The following ZDHHC11B variants were observed in gnomAD, a reference collection of about 807,000 sequenced individuals.
The protein encoded by ZDHHC11B is zDHHC palmitoyltransferase 11B (putative).
A neutral mutation model predicts 42.3 loss-of-function variants in ZDHHC11B; 17 were observed. The observed-to-expected ratio is 0.40, with a 90% CI of 0.27 to 0.60. The LOEUF (loss-of-function observed/expected upper bound fraction) is 0.60. Among genes scored for constraint, ZDHHC11B ranks in the 20% least tolerant of loss-of-function variants. The pLI is 0.41. For synonymous variants in ZDHHC11B, 123 were observed against 193.5 expected (o/e 0.64, Z 3.02); for missense variants, 262 against 463.2 (o/e 0.57, Z 3.99).
chr5:724,461 C>T (rs1482561410), intron 12 of ZDHHC11B, among the ~76,000 whole-genome samples: 8 of 142,312 alleles, frequency 5.6e-5, no homozygotes, highest in African/African-American at 2.1e-4. Flanking sequence ...CTGCAAGCTC[C>T]GCCTCCTGGG....
At chr5:741,787 A>C (rs1744189678) in intron 9 of ZDHHC11B, among the ~76,000 whole-genome samples, 159 bp from the exon 10 acceptor site, 1 of 146,746 alleles carries the variant, frequency 6.8e-6, no homozygotes, top group Non-Finnish European at 1.5e-5. Context: ...TTACGTGTGC[A>C]CGTGTTTTCA....
Position 766,693 on chromosome 5 carries a change from G to C in ZDHHC11B, c.222+5C>G. On this transcript the variant is annotated splice_donor_5th_base_variant and intron_variant, in intron 4 of 13. Coordinates refer to ENST00000508859, the MANE Select transcript of ZDHHC11B (RefSeq NM_001351303.2). ...GCTTAGACCATGCCACGATGAAAAG[G>C]ATACCACATAGGCGATGTATTTCCA... 1.9e-6 allele frequency: 3 copies of C among 1,604,612 alleles called. No individual in the cohort carries two copies. Among genetic ancestry groups the C allele is most frequent in the Non-Finnish European group, 1.7e-6 (2 of 1,174,680 alleles).
chr5:766,958 C>G (rs1735508829), intron 3 of ZDHHC11B, 39 bp from the exon 4 acceptor site: 6 of 1,595,808 alleles, frequency 3.8e-6, no homozygotes, highest in Admixed American at 3.4e-5. Context: ...GCCATCAGCT[C>G]CGGGGAGGGC....
intron 1 of ZDHHC11B, among the ~76,000 whole-genome samples, chr5:784,457 G>C (rs1401028694): frequency 6.6e-6 from 1 of 152,226 alleles, no homozygotes; most frequent in African/African-American, 2.4e-5. Context: ...AAGCCTCCCC[G>C]TCGCGTCCTC....
intron 12 of ZDHHC11B, among the ~76,000 whole-genome samples, chr5:722,891 AT>A: frequency 6.6e-6 from 1 of 151,648 alleles, no homozygotes; most frequent in African/African-American, 2.4e-5. Context: ...TTCCTCAAAG[AT>A]TCCAGATACT....
rs762812078 is a variant in ZDHHC11B at position 748,397 on chromosome 5, G to T, written c.784+7C>A. Reference sequence around the variant, plus strand: ...GGGGGATCGGGGGCTTAGGGTGGGGGACATACTCAGGTAGATGTGGAAGAT... The same window carrying T: ...GGGGGATCGGGGGCTTAGGGTGGGGTACATACTCAGGTAGATGTGGAAGAT... On this transcript the variant is annotated splice_region_variant and intron_variant, in intron 8 of 13. Transcript: ENST00000508859. 19 of 1,346,888 alleles carry T rather than the reference G, an allele frequency of 1.4e-5. No individual in the cohort carries two copies. In the African/African-American group the frequency reaches 2.5e-4, roughly 18 times the overall value. The allele number at this position is 1,346,888 out of a possible 1,614,324, so 83.4% of individuals were successfully genotyped here.
chr5:729,117 T>C (rs1742814312), intron 12 of ZDHHC11B, among the ~76,000 whole-genome samples: 1 of 151,052 alleles, frequency 6.6e-6, no homozygotes, highest in African/African-American at 2.4e-5. Flanking sequence ...AGGCATGCGG[T>C]GACCTCAGCA....
chr5:756,050 T>C lies in ZDHHC11B; in HGVS notation c.317A>G (p.Tyr106Cys). 2 of 1,279,060 alleles carry C rather than the reference T, an allele frequency of 1.6e-6. No homozygotes were observed. The highest frequency in any genetic ancestry group is 1.4e-5 in the South Asian group (1 of 73,502). The allele number at this position is 1,279,060 out of a possible 1,614,324, so 79.2% of individuals were successfully genotyped here. ...ADSNVRLMKN[Y>C]SQPMPLFDRS... ...GTCGAAGAGGGGCATGGGCTGAGAA[T>C]AGTTCTTCATGAGTCTGACATTGGA... is the stretch of plus-strand genomic sequence containing the variant. The change falls in exon 5 of 14, where the codon TAT (tyrosine) becomes TGT (cysteine). Residue 106 changes from tyrosine to cysteine, a missense_variant. Physicochemically the swap from Tyr to Cys is radical, Grantham distance 194 (BLOSUM62 -2). This residue lies in a region of ZDHHC11B where 33 missense variants were observed against 174.6 expected (regional missense o/e 0.19). Transcript: ENST00000508859.
At chr5:777,559 G>C (rs1035768635) in intron 1 of ZDHHC11B, among the ~76,000 whole-genome samples, 1 of 151,964 alleles carries the variant, frequency 6.6e-6, no homozygotes, top group East Asian at 1.9e-4. Context: ...TTGCGGCAGG[G>C]CGTTCCGGCT....
At chr5:729,355 A>G (rs1259720847) in intron 12 of ZDHHC11B, among the ~76,000 whole-genome samples, 2 of 151,154 alleles carry the variant, frequency 1.3e-5, no homozygotes, top group Admixed American at 1.3e-4. Context: ...GTCCTAGGCC[A>G]GGACGGCTGC....
At chr5:712,928 G>A (rs201593314) in intron 13 of ZDHHC11B, among the ~76,000 whole-genome samples, 72 of 142,626 alleles carry the variant, frequency 5.0e-4, no homozygotes, top group Admixed American at 6.4e-4. Context: ...GTGTGTGTGT[G>A]TATATATATA....
intron 1 of ZDHHC11B, among the ~76,000 whole-genome samples, chr5:774,074 G>C (rs1416967476): frequency 6.6e-6 from 1 of 151,862 alleles, no homozygotes; most frequent in African/African-American, 2.4e-5. Flanking sequence ...CCAGCTCCAA[G>C]GACTCGGCCA....
At chr5:743,710 G>A (rs1245215930) in intron 9 of ZDHHC11B, among the ~76,000 whole-genome samples, 1 of 149,842 alleles carries the variant, frequency 6.7e-6, no homozygotes, top group Non-Finnish European at 1.5e-5. Flanking sequence ...CTGGTGGATC[G>A]AGATGTGCGA....
At chr5:742,600 G>A (rs370199777) in intron 9 of ZDHHC11B, among the ~76,000 whole-genome samples, 2 of 148,912 alleles carry the variant, frequency 1.3e-5, no homozygotes, top group African/African-American at 4.9e-5. Flanking sequence ...GCAGCTTTTA[G>A]CAGTAAAGCA....
chr5:729,559 T>TGC (rs5865341), intron 12 of ZDHHC11B, among the ~76,000 whole-genome samples: 2 of 150,810 alleles, frequency 1.3e-5, no homozygotes, highest in East Asian at 3.9e-4. Context: ...AGTGTGTGTG[T>TGC]GTGCACATGC....
Sources: allele counts gnomAD v4.1 joint callset (sites outside exome capture counted in the v4.1 genomes callset), GRCh38; gene constraint gnomAD v4.1.1; regional missense constraint gnomAD v4.1.1; transcripts MANE v1.5; gene names NCBI Gene and HGNC (gene_info 2026-07-23, HGNC 2026-07-21).